CTNND2: variants seen among roughly 807,000 people sequenced by gnomAD.
The protein encoded by CTNND2 is catenin delta 2.
CTNND2 carries 22 observed loss-of-function variants against 144.4 expected under a neutral mutation model. The ratio of observed to expected loss-of-function variants is 0.15; its 90% CI spans 0.11 to 0.22. The LOEUF (loss-of-function observed/expected upper bound fraction) is 0.22. Ranked by LOEUF, CTNND2 falls within the 10% of genes least tolerant of loss-of-function variation. The pLI is 1.00. For synonymous variants in CTNND2, 751 were observed against 695.6 expected (o/e 1.08, Z -1.25); for missense variants, 1,353 against 1,618.8 (o/e 0.84, Z 2.82).
chr5:10,984,089 C>G (rs1174024991), intron 20 of CTNND2, among the ~76,000 whole-genome samples: 1 of 152,288 alleles, frequency 6.6e-6, no homozygotes, highest in East Asian at 1.9e-4. Context: ...TTACCCTGAT[C>G]AGTTTCTTCT....
At chr5:11,756,317 A>G (rs2126795685) in intron 1 of CTNND2, among the ~76,000 whole-genome samples, 1 of 151,868 alleles carries the variant, frequency 6.6e-6, no homozygotes, top group Admixed American at 6.6e-5. Flanking sequence ...CTGGATAAAC[A>G]GTTGTTTAGT....
chr5:11,660,246 T>C (rs1274384231), intron 2 of CTNND2, among the ~76,000 whole-genome samples: 1 of 151,936 alleles, frequency 6.6e-6, no homozygotes, highest in African/African-American at 2.4e-5. Context: ...GAAGGAGAAA[T>C]TTAATGAAAG....
At chr5:11,717,814 C>T (rs1786438923) in intron 2 of CTNND2, among the ~76,000 whole-genome samples, 1 of 152,084 alleles carries the variant, frequency 6.6e-6, no homozygotes, top group Admixed American at 6.6e-5. Context: ...ATGGGGGAAA[C>T]TGCCCCCATG....
intron 8 of CTNND2, among the ~76,000 whole-genome samples, chr5:11,349,095 T>G (rs1471714485): frequency 6.6e-6 from 1 of 152,202 alleles, no homozygotes; most frequent in East Asian, 1.9e-4. Context: ...AGCTCCAGTT[T>G]CAGTGTTATT....
intron 2 of CTNND2, among the ~76,000 whole-genome samples, chr5:11,715,170 C>G (rs2126703402): frequency 6.6e-6 from 1 of 152,184 alleles, no homozygotes; most frequent in African/African-American, 2.4e-5. Context: ...ACTCTCTGGA[C>G]AAGTTTAGTT....
chr5:11,888,151 T>C (rs1343465052), intron 1 of CTNND2, among the ~76,000 whole-genome samples: 1 of 152,224 alleles, frequency 6.6e-6, no homozygotes. Flanking sequence ...AATAATCATA[T>C]GACATTTCAA....
chr5:11,755,796 T>C (rs370066715), intron 1 of CTNND2, among the ~76,000 whole-genome samples: 3 of 151,880 alleles, frequency 2.0e-5, no homozygotes, highest in Admixed American at 2.0e-4. Flanking sequence ...AGTTTGGTTC[T>C]TTCTTAAAAT....
intron 9 of CTNND2, among the ~76,000 whole-genome samples, chr5:11,333,739 C>T (rs1414447140): frequency 6.6e-6 from 1 of 152,134 alleles, no homozygotes; most frequent in Non-Finnish European, 1.5e-5. Flanking sequence ...CTCTACTGAC[C>T]CTGGCGGATT....
intron 2 of CTNND2, among the ~76,000 whole-genome samples, chr5:11,588,491 G>A (rs1242886921): frequency 6.6e-6 from 1 of 152,078 alleles, no homozygotes; most frequent in South Asian, 2.1e-4. Flanking sequence ...AGTTAATAGG[G>A]AAATGACCCA....
intron 16 of CTNND2, among the ~76,000 whole-genome samples, chr5:11,026,909 G>A (rs951928144): frequency 1.3e-5 from 2 of 152,158 alleles, no homozygotes; most frequent in South Asian, 2.1e-4. Context: ...GAGATTTCAC[G>A]CGGGAATAAC....
chr5:11,109,253 G>A (rs2905988), intron 14 of CTNND2, among the ~76,000 whole-genome samples: 51,329 of 151,990 alleles, frequency 0.34, 8,900 homozygotes, highest in African/African-American at 0.4. Flanking sequence ...TCGTAGTCTG[G>A]TGCTTCTAGA....
At chr5:11,348,437 CAAAAAAAA>C (rs3034056) in intron 8 of CTNND2, among the ~76,000 whole-genome samples, 10 of 114,722 alleles carry the variant, frequency 8.7e-5, no homozygotes, top group South Asian at 2.9e-4. Context: ...AAATCAAGGG[CAAAAAAAA>C]AAAAAAAAAA....
chr5:11,241,232 T>C (rs1742412037), intron 9 of CTNND2, among the ~76,000 whole-genome samples: 1 of 152,154 alleles, frequency 6.6e-6, no homozygotes, highest in Admixed American at 6.5e-5. Context: ...TATGCCTCCA[T>C]CGCATCTCAC....
At chr5:11,672,872 C>G (rs184491728) in intron 2 of CTNND2, among the ~76,000 whole-genome samples, 1 of 152,162 alleles carries the variant, frequency 6.6e-6, no homozygotes, top group Non-Finnish European at 1.5e-5. Context: ...ATCCCCTGAC[C>G]CCTTGCACTT....
chr5:11,606,530 T>C (rs1366344028), intron 2 of CTNND2, among the ~76,000 whole-genome samples: 3 of 151,968 alleles, frequency 2.0e-5, no homozygotes, highest in Non-Finnish European at 4.4e-5. Context: ...GGAAGAACAT[T>C]TGGGGAGAAA....
intron 8 of CTNND2, among the ~76,000 whole-genome samples, chr5:11,362,624 T>G (rs1404130275): frequency 6.6e-6 from 1 of 152,158 alleles, no homozygotes; most frequent in Non-Finnish European, 1.5e-5. Context: ...AGTTCAAAGG[T>G]GCAGGCTGGG....
chr5:10,991,012 C>A (rs1437965163), intron 19 of CTNND2, among the ~76,000 whole-genome samples: 1 of 152,208 alleles, frequency 6.6e-6, no homozygotes, highest in Non-Finnish European at 1.5e-5. Flanking sequence ...TCTTTTTAAG[C>A]CTGCTGGAAT....
intron 9 of CTNND2, among the ~76,000 whole-genome samples, chr5:11,282,473 G>C (rs1010656144): frequency 1.3e-5 from 2 of 152,110 alleles, no homozygotes; most frequent in Non-Finnish European, 2.9e-5. Context: ...ACTCCAAGGT[G>C]GTTCTGATAA....
In CTNND2 at chr5:10,988,018, C is replaced by G; in HGVS notation, c.3343+93G>C. 1 of 1,538,778 alleles carries G rather than the reference C, an allele frequency of 6.5e-7. No individual in the cohort carries two copies. Among genetic ancestry groups the G allele is most frequent in the Non-Finnish European group, 8.8e-7 (1 of 1,131,404 alleles). ...CTAAGTCCTGCTCAGCAGCCAAGCG[C>G]AGCCAGCCCCGTGAAGCCTGATGTC... is the stretch of plus-strand genomic sequence containing the variant. On this transcript the variant is annotated intron_variant, in intron 20 of 21. Coordinates refer to ENST00000304623, the MANE Select transcript of CTNND2 (RefSeq NM_001332.4). The surrounding 1 kb of genome is among the most constrained non-coding windows in gnomAD (Gnocchi z 5.9).
Sources: allele counts gnomAD v4.1 joint callset (sites outside exome capture counted in the v4.1 genomes callset), GRCh38; gene constraint gnomAD v4.1.1; non-coding constraint Gnocchi (gnomAD v3.1); transcripts MANE v1.5; gene names NCBI Gene and HGNC (gene_info 2026-07-23, HGNC 2026-07-21).